Variants in ARID1B observed in about 807,000 individuals in gnomAD.
The protein encoded by ARID1B is AT-rich interaction domain 1B.
In ARID1B, 30 loss-of-function variants were observed where a neutral mutation model predicts 212.3. The ratio of observed to expected loss-of-function variants is 0.14; its 90% CI spans 0.11 to 0.19. The LOEUF (loss-of-function observed/expected upper bound fraction) is 0.19. Ranked by LOEUF, ARID1B falls within the 10% of genes least tolerant of loss-of-function variation. The pLI, the probability that ARID1B is intolerant of heterozygous loss-of-function variation, is 1.00. For synonymous variants in ARID1B, 1,402 were observed against 1,301.7 expected (o/e 1.08, Z -1.66); for missense variants, 2,891 against 3,204.0 (o/e 0.90, Z 2.36).
intron 5 of ARID1B, among the ~76,000 whole-genome samples, chr6:157,093,528 C>G (rs753244661): frequency 6.6e-6 from 1 of 152,226 alleles, no homozygotes; most frequent in Non-Finnish European, 1.5e-5. Flanking sequence ...CGGCATGAGA[C>G]AAACGGAATG....
At position 156,930,649 on chromosome 6, in the gene ARID1B, T is replaced by C. The variant is rs114878752; in HGVS notation, c.2137-4817T>C. Among the ~76,000 whole-genome samples the C allele has an allele frequency of 2.3e-3, 357 of 152,216 alleles. 1 individual carries two copies. The highest frequency in any genetic ancestry group is 7.6e-3 in the African/African-American group (314 of 41,528). On this transcript the variant is annotated intron_variant, in intron 3 of 19. Transcript: ENST00000636930. ...CGGAAGACTGGAAACAACCTAAATG[T>C]ACATCAATAAGTGACTGGTTAAATA... is the stretch of plus-strand genomic sequence containing the variant.
intron 3 of ARID1B, chr6:156,901,901 A>G (rs1180600048): frequency 9.0e-6 from 2 of 222,528 alleles, no homozygotes; most frequent in Non-Finnish European, 1.8e-5. Context: ...TGGCACGTGC[A>G]TGGTATTTTT....
chr6:156,803,365 A>T (rs1374614489), intron 1 of ARID1B, among the ~76,000 whole-genome samples: 1 of 152,204 alleles, frequency 6.6e-6, no homozygotes, highest in Non-Finnish European at 1.5e-5. Flanking sequence ...CAAAGATTGT[A>T]GTTGCTGTTA....
rs1793296210 is a variant in ARID1B, at chr6:157,190,663, G to T, written c.4231+453G>T. The stretch of plus-strand genomic sequence containing the variant: ...AGTGTGCGCTGGGCGCTAGCTCGTG[G>T]ATTGGTAAATCAGAGTCGCTGCCCA... On this transcript the variant is annotated intron_variant, in intron 15 of 19. Transcript: ENST00000636930. The surrounding 1 kb of genome is among the most constrained non-coding windows in gnomAD (Gnocchi z 4.6). Among the ~76,000 whole-genome samples the T allele has an allele frequency of 6.6e-6, 1 of 152,218 alleles. No individual in the cohort carries two copies. The highest frequency in any genetic ancestry group is 1.5e-5 in the Non-Finnish European group (1 of 68,046).
At position 157,047,146 on chromosome 6, in the gene ARID1B, A is replaced by C. The variant is rs1782291032; in HGVS notation, c.2248-37516A>C. 2.6e-5 allele frequency among the ~76,000 whole-genome samples: 4 copies of C among 152,306 alleles called. No homozygotes were observed. In the South Asian group the frequency reaches 8.3e-4, roughly 32 times the overall value. ...GTTCAACCCAATGTACTAGGACTCTAATATCATTTTAGATCAGCTTTCAAT... is the reference window on the plus strand; with the variant it reads ...GTTCAACCCAATGTACTAGGACTCTCATATCATTTTAGATCAGCTTTCAAT... On this transcript the variant is annotated intron_variant, in intron 4 of 19. Coordinates refer to ENST00000636930, the MANE Select transcript of ARID1B (RefSeq NM_001374828.1).
intron 4 of ARID1B, among the ~76,000 whole-genome samples, chr6:157,000,787 A>G (rs778061447): frequency 3.6e-4 from 51 of 141,004 alleles, no homozygotes; most frequent in Non-Finnish European, 6.3e-4. Flanking sequence ...TCTGTCTCCC[A>G]GGTTCAAACG....
At chr6:157,181,370 T>A (rs1050149120) in intron 12 of ARID1B, among the ~76,000 whole-genome samples, 192 bp downstream of exon 12, 2 of 152,146 alleles carry the variant, frequency 1.3e-5, no homozygotes, top group Non-Finnish European at 2.9e-5. Flanking sequence ...TGCCACCAAC[T>A]CGCAGCGTGA....
At chr6:156,998,058 G>A (rs1276930597) in intron 4 of ARID1B, among the ~76,000 whole-genome samples, 1 of 152,154 alleles carries the variant, frequency 6.6e-6, no homozygotes. Context: ...TCCAGAGCAT[G>A]GATTATGGGT....
intron 19 of ARID1B, chr6:157,204,544 A>G (rs1794318543): frequency 6.6e-6 from 1 of 152,370 alleles, no homozygotes; most frequent in Non-Finnish European, 1.5e-5. Context: ...TAAAATAGTT[A>G]TGAACTCATG....
intron 4 of ARID1B, among the ~76,000 whole-genome samples, chr6:157,077,654 C>G (rs550937364): frequency 6.6e-6 from 1 of 152,344 alleles, no homozygotes; most frequent in African/African-American, 2.4e-5. Context: ...ACCCGTCAGT[C>G]TGTCCTCTTA....
intron 4 of ARID1B, among the ~76,000 whole-genome samples, chr6:157,017,955 C>A (rs1780002408): frequency 8.1e-6 from 1 of 123,840 alleles, no homozygotes; most frequent in African/African-American, 3.2e-5. Context: ...CATGAGACAC[C>A]ATCTCTACAA....
intron 5 of ARID1B, among the ~76,000 whole-genome samples, chr6:157,098,388 A>G (rs552224191): frequency 6.6e-6 from 1 of 151,940 alleles, no homozygotes; most frequent in East Asian, 1.9e-4. Context: ...GCCATACCCA[A>G]ATGTGGAGAA....
intron 1 of ARID1B, among the ~76,000 whole-genome samples, chr6:156,812,958 G>A (rs1257349189): frequency 2.5e-5 from 3 of 118,174 alleles, no homozygotes; most frequent in South Asian, 2.8e-4. Context: ...GTGTGTGTGT[G>A]TGTGTGTGTG....
At chr6:156,896,694 C>T (rs1788423978) in intron 2 of ARID1B, among the ~76,000 whole-genome samples, 1 of 151,282 alleles carries the variant, frequency 6.6e-6, no homozygotes. Flanking sequence ...TCCTGGCCTA[C>T]ATGGTGAAAC....
In ARID1B at chr6:157,181,765, G is replaced by A. The variant is rs188598884; in HGVS notation, c.3714+587G>A. On this transcript the variant is annotated intron_variant, in intron 12 of 19. Transcript: ENST00000636930. Reference sequence around the variant, plus strand: ...CTTGCTTGACTCTCAGAGTGAGTGCGTCCTGAAGTCTCATACCCCAGGCAC... The same window carrying A: ...CTTGCTTGACTCTCAGAGTGAGTGCATCCTGAAGTCTCATACCCCAGGCAC... Among the ~76,000 whole-genome samples the A allele has an allele frequency of 3.3e-4, 51 of 152,250 alleles. No individual in the cohort carries two copies. The South Asian group carries it at 4.8e-3, about 14-fold the overall frequency.
intron 15 of ARID1B, among the ~76,000 whole-genome samples, chr6:157,191,299 G>A (rs941018968): frequency 2.0e-5 from 3 of 152,034 alleles, no homozygotes; most frequent in African/African-American, 7.3e-5. Context: ...GGGCCCTGAG[G>A]GAGAAGCTAA....
chr6:157,126,974 G>T (rs1788176978), intron 6 of ARID1B, among the ~76,000 whole-genome samples: 1 of 152,106 alleles, frequency 6.6e-6, no homozygotes, highest in Non-Finnish European at 1.5e-5. Context: ...AAAGCAAGAT[G>T]CAATCAAACA....
rs562260443 is a variant in ARID1B, at chr6:156,996,033, TA to T, written c.2247+60460del. ...TGGAATGCTTATATTTTAGCTCCCCTAAATCTTTAAACTCTTCAACAGTAAG... is the reference window on the plus strand; with the variant it reads ...TGGAATGCTTATATTTTAGCTCCCCTAATCTTTAAACTCTTCAACAGTAAG... On this transcript the variant is annotated intron_variant, in intron 4 of 19. Transcript: ENST00000636930. Among the ~76,000 whole-genome samples the T allele has an allele frequency of 2.4e-3, 367 of 152,338 alleles. 1 individual carries two copies. The highest frequency in any genetic ancestry group is 8.6e-3 in the Admixed American group (131 of 15,308).
At chr6:156,893,912 A>G (rs1006661175) in intron 2 of ARID1B, among the ~76,000 whole-genome samples, 3 of 152,158 alleles carry the variant, frequency 2.0e-5, no homozygotes, top group African/African-American at 2.4e-5. Context: ...TAGAATTACC[A>G]TATACTCCAG....
Sources: gnomAD v4.1 joint callset for allele counts (sites outside exome capture counted in the v4.1 genomes callset) on GRCh38, gnomAD v4.1.1 for gene constraint, Gnocchi (gnomAD v3.1) non-coding constraint, MANE v1.5 for transcripts, NCBI Gene and HGNC (gene_info 2026-07-23, HGNC 2026-07-21) for gene names.